NTRK3: variants seen among roughly 807,000 people sequenced by gnomAD.
The protein encoded by NTRK3 is NT-3 growth factor receptor.
NTRK3 carries 24 observed loss-of-function variants against 91.7 expected under a neutral mutation model. The observed-to-expected ratio is 0.26, with a 90% CI of 0.19 to 0.37. NTRK3 has a LOEUF of 0.37. Ranked by LOEUF, NTRK3 falls within the 10% of genes least tolerant of loss-of-function variation. The probability of loss-of-function intolerance (pLI) is 1.00; values close to 1 mark genes in which losing one functional copy is unlikely to be tolerated. For missense variants in NTRK3, 880 were observed against 1,068.9 expected (o/e 0.82, Z 2.46); for synonymous variants, 483 against 404.0 (o/e 1.20, Z -2.34).
chr15:88,113,311 CTTTTTTTT>C (rs60232101), intron 13 of NTRK3, among the ~76,000 whole-genome samples: 38 of 111,652 alleles, frequency 3.4e-4, no homozygotes, highest in Non-Finnish European at 4.7e-4. Context: ...TGATCAATTT[CTTTTTTTT>C]TTTTTTTTTT....
intron 13 of NTRK3, among the ~76,000 whole-genome samples, chr15:88,042,732 A>T (rs2079766762): frequency 6.6e-6 from 1 of 152,178 alleles, no homozygotes; most frequent in African/African-American, 2.4e-5. Flanking sequence ...ATTTGGACTC[A>T]GCTTCCCTTA....
At chr15:87,869,416 A>C (rs2064767912) in exon 19 of NTRK3, 1 of 225,122 alleles carries the variant, frequency 4.4e-6, no homozygotes, top group Non-Finnish European at 8.9e-6. Flanking sequence ...GTCTGACAGC[A>C]CTGAAATTAC....
chr15:88,089,233 G>A lies in NTRK3; in HGVS notation c.1396+37038C>T, dbSNP rs536089604. ...CCTACCACTTCCTGGCTTTGTGCCT[G>A]GAGGCCAGTTACTCACCCTTCTTAA... On this transcript the variant is annotated intron_variant, in intron 13 of 18. Transcript: ENST00000394480. 1.2e-4 allele frequency among the ~76,000 whole-genome samples: 18 copies of A among 152,270 alleles called. 1 individual carries two copies. The East Asian group carries it at 3.3e-3, about 28-fold the overall frequency.
chr15:87,945,601 G>T (rs1434791848), intron 14 of NTRK3, among the ~76,000 whole-genome samples: 1 of 150,896 alleles, frequency 6.6e-6, no homozygotes, highest in Non-Finnish European at 1.5e-5. Flanking sequence ...TGCCCTGTGG[G>T]GCAGGAGGGG....
intron 6 of NTRK3, among the ~76,000 whole-genome samples, chr15:88,142,497 T>C (rs1361997153): frequency 6.6e-6 from 1 of 152,190 alleles, no homozygotes; most frequent in East Asian, 1.9e-4. Flanking sequence ...ACTGATTCCC[T>C]CCGGTCATCA....
At chr15:88,039,130 C>T (rs2079355074) in intron 13 of NTRK3, among the ~76,000 whole-genome samples, 1 of 146,874 alleles carries the variant, frequency 6.8e-6, no homozygotes, top group Admixed American at 6.7e-5. Flanking sequence ...CACACACACA[C>T]ACACACACAC....
chr15:88,115,085 T>A (rs1265732571), intron 13 of NTRK3, among the ~76,000 whole-genome samples: 2 of 152,106 alleles, frequency 1.3e-5, no homozygotes, highest in African/African-American at 4.8e-5. Flanking sequence ...GGCATGGGCT[T>A]TTGTGATTTT....
At chr15:88,256,681 A>G (rs1598219832) in exon 1 of NTRK3, 1 of 395,258 alleles carries the variant, frequency 2.5e-6, no homozygotes, top group East Asian at 3.6e-5. Context: ...AAGATGCAGT[A>G]GGAGCTGCAG....
intron 14 of NTRK3, among the ~76,000 whole-genome samples, chr15:87,962,795 C>G (rs903844797): frequency 6.6e-6 from 1 of 152,188 alleles, no homozygotes; most frequent in Admixed American, 6.5e-5. Context: ...GTACTACCTC[C>G]CAACCCTCAC....
At chr15:88,105,279 T>G (rs746835013) in intron 13 of NTRK3, among the ~76,000 whole-genome samples, 9 of 152,166 alleles carry the variant, frequency 5.9e-5, no homozygotes, top group Non-Finnish European at 1.3e-4. Flanking sequence ...TTGGCCTGAC[T>G]GTCTACATTT....
intron 14 of NTRK3, among the ~76,000 whole-genome samples, chr15:88,010,748 CCACA>C (rs10623073): frequency 3.4e-5 from 5 of 149,068 alleles, no homozygotes; most frequent in African/African-American, 9.8e-5. Flanking sequence ...ACACACACAC[CCACA>C]CACACACACA....
intron 13 of NTRK3, among the ~76,000 whole-genome samples, chr15:88,072,028 T>C (rs1003490897): frequency 6.8e-6 from 1 of 146,908 alleles, no homozygotes; most frequent in Non-Finnish European, 1.5e-5. Context: ...TTTTTTGAGA[T>C]GGAGTCTTGC....
intron 13 of NTRK3, among the ~76,000 whole-genome samples, chr15:88,107,033 T>A (rs535676125): frequency 8.9e-6 from 1 of 112,936 alleles, no homozygotes; most frequent in Non-Finnish European, 1.8e-5. Context: ...CATTTACATA[T>A]ATGTATTCAC....
chr15:88,091,352 T>G (rs1384217980), intron 13 of NTRK3, among the ~76,000 whole-genome samples: 1 of 152,226 alleles, frequency 6.6e-6, no homozygotes, highest in Non-Finnish European at 1.5e-5. Context: ...GTGGTAATAC[T>G]GTTTCCCATA....
chr15:88,050,263 A>G (rs977731586), intron 13 of NTRK3, among the ~76,000 whole-genome samples: 2 of 152,196 alleles, frequency 1.3e-5, no homozygotes, highest in African/African-American at 4.8e-5. Flanking sequence ...AGACTTTTAC[A>G]GGTGGGATTC....
intron 14 of NTRK3, among the ~76,000 whole-genome samples, chr15:87,985,604 C>T (rs765249524): frequency 9.2e-5 from 14 of 152,238 alleles, no homozygotes; most frequent in Admixed American, 2.6e-4. Context: ...TGTCCTGGCC[C>T]GCATGCCACG....
chr15:88,247,772 G>T (rs371626947), intron 3 of NTRK3, among the ~76,000 whole-genome samples: 54 of 152,284 alleles, frequency 3.5e-4, no homozygotes, highest in African/African-American at 1.3e-3. Context: ...GAAGAAAGTT[G>T]TATCTGTCTC....
At chr15:87,934,640 A>T (rs1567125475) in intron 15 of NTRK3, among the ~76,000 whole-genome samples, 1 of 152,154 alleles carries the variant, frequency 6.6e-6, no homozygotes. Flanking sequence ...GAAATGATGG[A>T]CTTTTAGTAT....
intron 14 of NTRK3, among the ~76,000 whole-genome samples, chr15:88,011,544 TCTC>T (rs1468853599): frequency 6.6e-6 from 1 of 152,136 alleles, no homozygotes. Flanking sequence ...GGCAAAATCT[TCTC>T]CTTGACTTTG....
Sources: gnomAD v4.1 joint callset for allele counts (sites outside exome capture counted in the v4.1 genomes callset) on GRCh38, gnomAD v4.1.1 for gene constraint, MANE v1.5 for transcripts, NCBI Gene and HGNC (gene_info 2026-07-23, HGNC 2026-07-21) for gene names.